C1QTNF3: variants seen among roughly 807,000 people sequenced by gnomAD.
C1QTNF3 encodes C1q and TNF related 3.
A neutral mutation model predicts 32.6 loss-of-function variants in C1QTNF3; 26 were observed. The observed-to-expected ratio is 0.80, with a 90% CI of 0.58 to 1.11. The LOEUF is 1.11. Ranked by LOEUF, C1QTNF3 falls within the 50% of genes least tolerant of loss-of-function variation. The pLI is 0.00. For missense variants in C1QTNF3, 362 were observed against 398.2 expected (o/e 0.91, Z 0.77); for synonymous variants, 155 against 146.0 (o/e 1.06, Z -0.44).
At chr5:34,154,518 C>G in the C1QTNF3 span, among the ~76,000 whole-genome samples, 39 of 152,256 alleles carry the variant, frequency 2.6e-4, no homozygotes, top group Middle Eastern at 3.4e-3. Context: ...AGTTTTCAGT[C>G]AAGTCAGTCA....
chr5:34,161,285 G>A, the C1QTNF3 span, among the ~76,000 whole-genome samples: 3 of 152,142 alleles, frequency 2.0e-5, no homozygotes, highest in Admixed American at 2.0e-4. Context: ...TACAGTTTAT[G>A]TAGCCAAACC....
At chr5:34,079,886 T>C in the C1QTNF3 span, among the ~76,000 whole-genome samples, 1,069 of 151,832 alleles carry the variant, frequency 7.0e-3, 51 homozygotes, top group African/African-American at 0.025. Context: ...ATACTTTTTA[T>C]ATACTTAAAA....
chr5:34,068,248 C>T, the C1QTNF3 span, among the ~76,000 whole-genome samples: 4 of 152,182 alleles, frequency 2.6e-5, no homozygotes, highest in South Asian at 2.1e-4. Context: ...GTGGTTTTTG[C>T]TTTATTCACG....
the C1QTNF3 span, among the ~76,000 whole-genome samples, chr5:34,094,655 T>C: frequency 2.0e-5 from 3 of 151,980 alleles, no homozygotes; most frequent in Non-Finnish European, 4.4e-5. Flanking sequence ...GATATAGAGA[T>C]AGTACAGTAT....
the C1QTNF3 span, among the ~76,000 whole-genome samples, chr5:34,123,758 A>G: frequency 1.3e-5 from 2 of 152,120 alleles, no homozygotes; most frequent in Non-Finnish European, 2.9e-5. Flanking sequence ...TTTTTTTCAT[A>G]CTAAACACTT....
At chr5:34,208,557 A>G in the C1QTNF3 span, among the ~76,000 whole-genome samples, 463 of 152,100 alleles carry the variant, frequency 3.0e-3, 4 homozygotes, top group African/African-American at 0.011. Flanking sequence ...GGGAAGAAGA[A>G]TGTGGGGTGT....
chr5:34,229,258 T>C, the C1QTNF3 span, among the ~76,000 whole-genome samples: 1 of 151,918 alleles, frequency 6.6e-6, no homozygotes, highest in Non-Finnish European at 1.5e-5. Flanking sequence ...AAAATTCTTA[T>C]TACATATTCA....
the C1QTNF3 span, among the ~76,000 whole-genome samples, chr5:34,094,084 A>G: frequency 6.6e-6 from 1 of 152,162 alleles, no homozygotes; most frequent in Non-Finnish European, 1.5e-5. Context: ...AGGGTCCACT[A>G]AGGCCCTTAA....
At chr5:34,198,178 G>A in the C1QTNF3 span, among the ~76,000 whole-genome samples, 2 of 145,076 alleles carry the variant, frequency 1.4e-5, no homozygotes, top group Non-Finnish European at 3.0e-5. Flanking sequence ...GGAGGCAGAC[G>A]TTGCAGTGAG....
the C1QTNF3 span, among the ~76,000 whole-genome samples, chr5:34,060,219 A>G: frequency 2.0e-5 from 3 of 152,234 alleles, no homozygotes; most frequent in Admixed American, 6.5e-5. Flanking sequence ...GTGTTGCTTA[A>G]TGATGGGAAT....
At chr5:34,194,691 A>G in the C1QTNF3 span, among the ~76,000 whole-genome samples, 1 of 152,284 alleles carries the variant, frequency 6.6e-6, no homozygotes, top group Non-Finnish European at 1.5e-5. Flanking sequence ...CCCCATTAGA[A>G]TGAAAGTTCC....
At chr5:34,160,722 C>T in the C1QTNF3 span, among the ~76,000 whole-genome samples, 1 of 152,078 alleles carries the variant, frequency 6.6e-6, no homozygotes, top group African/African-American at 2.4e-5. Flanking sequence ...TATGATAATG[C>T]TCCCTATCTG....
At chr5:34,026,456 C>CAAAAAAAAAAAAAAA in intron 4 of C1QTNF3, among the ~76,000 whole-genome samples, 1 of 92,772 alleles carries the variant, frequency 1.1e-5, no homozygotes, top group Non-Finnish European at 2.4e-5. Context: ...AATCTGCCAG[C>CAAAAAAAAAAAAAAA]AAAAAAAAAA....
At chr5:34,134,507 A>G in the C1QTNF3 span, among the ~76,000 whole-genome samples, 1 of 152,194 alleles carries the variant, frequency 6.6e-6, no homozygotes, top group South Asian at 2.1e-4. Context: ...TTATAACCAA[A>G]TAAAATAAAA....
chr5:34,026,707 C>T (rs1579600137), intron 4 of C1QTNF3, among the ~76,000 whole-genome samples: 2 of 152,130 alleles, frequency 1.3e-5, no homozygotes, highest in East Asian at 1.9e-4. Flanking sequence ...CCTTTCTTCA[C>T]CAAGAAACTA....
the C1QTNF3 span, among the ~76,000 whole-genome samples, chr5:34,194,956 TA>T: frequency 6.6e-6 from 1 of 151,420 alleles, no homozygotes; most frequent in African/African-American, 2.4e-5. Flanking sequence ...ACATGTTCAG[TA>T]CAGACGCAAT....
At chr5:34,162,829 C>T in the C1QTNF3 span, among the ~76,000 whole-genome samples, 1 of 152,110 alleles carries the variant, frequency 6.6e-6, no homozygotes, top group East Asian at 1.9e-4. Flanking sequence ...CTCTTTCTCC[C>T]CTTAGTATTC....
At chr5:34,076,432 A>C in the C1QTNF3 span, among the ~76,000 whole-genome samples, 1 of 151,670 alleles carries the variant, frequency 6.6e-6, no homozygotes, top group Non-Finnish European at 1.5e-5. Flanking sequence ...ATTATTTTGC[A>C]GAATGATCCA....
At chr5:34,110,889 A>G in the C1QTNF3 span, among the ~76,000 whole-genome samples, 1 of 152,140 alleles carries the variant, frequency 6.6e-6, no homozygotes, top group Non-Finnish European at 1.5e-5. Flanking sequence ...GACTTTTTGA[A>G]GGCTAAATAT....
Sources: gnomAD v4.1 joint callset for allele counts (sites outside exome capture counted in the v4.1 genomes callset) on GRCh38, gnomAD v4.1.1 for gene constraint, MANE v1.5 for transcripts, NCBI Gene and HGNC (gene_info 2026-07-23, HGNC 2026-07-21) for gene names.